The following ADGRB3 variants were observed in gnomAD, a reference collection of about 807,000 sequenced individuals.
ADGRB3 encodes the protein brain-specific angiogenesis inhibitor 3.
ADGRB3 carries 37 observed loss-of-function variants against 193.4 expected under a neutral mutation model. The ratio of observed to expected loss-of-function variants is 0.19; its 90% CI spans 0.15 to 0.25. The LOEUF (loss-of-function observed/expected upper bound fraction) is 0.25. Ranked by LOEUF, ADGRB3 falls within the 10% of genes least tolerant of loss-of-function variation. ADGRB3 has a pLI of 1.00. For missense variants in ADGRB3, 1,637 were observed against 1,852.9 expected (o/e 0.88, Z 2.14); for synonymous variants, 690 against 644.2 (o/e 1.07, Z -1.08).
intron 17 of ADGRB3, among the ~76,000 whole-genome samples, chr6:69,080,800 T>C (rs1270142283): frequency 1.3e-5 from 2 of 152,062 alleles, no homozygotes; most frequent in African/African-American, 4.8e-5. Context: ...ATGTTACCTT[T>C]GTAGCACAGG....
At chr6:69,330,646 C>T in intron 23 of ADGRB3, 74 bp downstream of exon 23, 1 of 1,258,672 alleles carries the variant, frequency 7.9e-7, no homozygotes, top group Admixed American at 2.3e-5. Flanking sequence ...ATTAGAGTGG[C>T]AATTTTGATA....
At position 69,281,307 on chromosome 6, in the gene ADGRB3, A is replaced by G. The variant is rs1429620835; in HGVS notation, c.2814+42081A>G. Among the ~76,000 whole-genome samples the G allele has an allele frequency of 7.7e-4, 117 of 152,198 alleles. 1 individual carries two copies. The highest frequency in any genetic ancestry group is 5.9e-5 in the Non-Finnish European group (4 of 68,026). ...CACATTTATTAGAAAATTTGAGCCT[A>G]TCTTCAGACACAAATACTGATTCAT... On this transcript the variant is annotated intron_variant, in intron 20 of 31. Coordinates refer to ENST00000370598, the MANE Select transcript of ADGRB3 (RefSeq NM_001704.3).
intron 17 of ADGRB3, among the ~76,000 whole-genome samples, chr6:69,141,080 A>G (rs1038912716): frequency 6.7e-6 from 1 of 148,852 alleles, no homozygotes; most frequent in African/African-American, 2.5e-5. Context: ...AGTGAAAGAA[A>G]GAAGACAGGA....
At chr6:68,922,764 C>T (rs1373949526) in intron 3 of ADGRB3, among the ~76,000 whole-genome samples, 1 of 152,106 alleles carries the variant, frequency 6.6e-6, no homozygotes, top group Non-Finnish European at 1.5e-5. Context: ...ATTTTTCCAC[C>T]CCTCCACGTT....
intron 17 of ADGRB3, among the ~76,000 whole-genome samples, chr6:69,146,682 T>C (rs998212625): frequency 6.6e-6 from 1 of 152,220 alleles, no homozygotes; most frequent in Non-Finnish European, 1.5e-5. Flanking sequence ...GCCAGCATCA[T>C]GGCAGTGGCC....
At chr6:68,859,541 C>T (rs1362990070) in intron 3 of ADGRB3, among the ~76,000 whole-genome samples, 1 of 152,164 alleles carries the variant, frequency 6.6e-6, no homozygotes, top group East Asian at 1.9e-4. Flanking sequence ...GCTTGAGAGG[C>T]CTCACAATTA....
chr6:68,661,000 A>G (rs1768617563), intron 3 of ADGRB3, among the ~76,000 whole-genome samples: 1 of 150,688 alleles, frequency 6.6e-6, no homozygotes. Context: ...ATTTATAAAT[A>G]TATAATTACT....
At chr6:68,860,324 G>A (rs768160639) in intron 3 of ADGRB3, among the ~76,000 whole-genome samples, 1 of 152,108 alleles carries the variant, frequency 6.6e-6, no homozygotes, top group East Asian at 1.9e-4. Context: ...GGCTTCTAGT[G>A]TACCCATCAC....
At chr6:69,105,470 TCAGTGTG>T (rs1041487028) in intron 17 of ADGRB3, among the ~76,000 whole-genome samples, 2 of 152,258 alleles carry the variant, frequency 1.3e-5, no homozygotes, top group African/African-American at 4.8e-5. Context: ...TCTCCTACTG[TCAGTGTG>T]AGTTCCTCAG....
chr6:68,653,133 A>G (rs1045411334), intron 3 of ADGRB3, among the ~76,000 whole-genome samples: 2 of 152,160 alleles, frequency 1.3e-5, no homozygotes, highest in African/African-American at 4.8e-5. Context: ...TGTTTCTAGC[A>G]TGGATACCTG....
In ADGRB3 at chr6:69,324,817, T is replaced by A. The variant is rs1028437297; in HGVS notation, c.2815-55T>A. 3.5e-5 allele frequency: 55 copies of A among 1,577,714 alleles called. No homozygotes were observed. The African/African-American group carries it at 6.7e-4, about 19-fold the overall frequency. On this transcript the variant is annotated intron_variant, in intron 20 of 31. Coordinates refer to ENST00000370598, the MANE Select transcript of ADGRB3 (RefSeq NM_001704.3). ...GATTAACAATCCCCTGAAGAACATA[T>A]CATTTTCCCTCTCCCAGGTTCAGTG... is the stretch of plus-strand genomic sequence containing the variant.
intron 26 of ADGRB3, among the ~76,000 whole-genome samples, 182 bp from the exon 27 acceptor site, chr6:69,354,051 G>A (rs1173201501): frequency 6.6e-6 from 1 of 152,080 alleles, no homozygotes; most frequent in Non-Finnish European, 1.5e-5. Flanking sequence ...CAACAAGAGT[G>A]AAATTCCATC....
chr6:69,311,760 T>G (rs1768199410), intron 20 of ADGRB3, among the ~76,000 whole-genome samples: 1 of 151,862 alleles, frequency 6.6e-6, no homozygotes, highest in Admixed American at 6.6e-5. Flanking sequence ...TCTCATGTGC[T>G]TTAGATTTCA....
At chr6:69,233,458 G>A in intron 18 of ADGRB3, 42 bp downstream of exon 18, 1 of 1,610,754 alleles carries the variant, frequency 6.2e-7, no homozygotes, top group East Asian at 2.2e-5. Flanking sequence ...GCAAAGACAG[G>A]GATATTGTGG....
intron 3 of ADGRB3, among the ~76,000 whole-genome samples, chr6:68,652,947 C>A (rs890984903): frequency 3.3e-5 from 5 of 152,034 alleles, no homozygotes; most frequent in African/African-American, 1.2e-4. Flanking sequence ...TGTTTTTCAC[C>A]AAATTGTTAC....
intron 3 of ADGRB3, among the ~76,000 whole-genome samples, chr6:68,771,795 G>C (rs1766623293): frequency 6.6e-6 from 1 of 152,086 alleles, no homozygotes; most frequent in African/African-American, 2.4e-5. Context: ...GGGGTTTTCT[G>C]ATCATCTTCT....
chr6:69,324,626 C>T (rs545569628), intron 20 of ADGRB3, among the ~76,000 whole-genome samples: 1 of 152,226 alleles, frequency 6.6e-6, no homozygotes, highest in African/African-American at 2.4e-5. Flanking sequence ...AATTTACATT[C>T]AGGGTTCTTC....
Position 69,326,749 on chromosome 6 carries a change from C to CA in ADGRB3, c.2966-1063dup, listed in dbSNP as rs983198030. Among the ~76,000 whole-genome samples, 47 of 147,626 alleles carry CA rather than the reference C, an allele frequency of 3.2e-4. 1 individual carries two copies. The highest frequency in any genetic ancestry group is 1.6e-3 in the East Asian group (8 of 5,080). Reference sequence around the variant, plus strand: ...TCCTAATGAACTTGGTCCAGTCAATCAAAAAAAATCAACAAATGACATGTG... The same window carrying CA: ...TCCTAATGAACTTGGTCCAGTCAATCAAAAAAAAATCAACAAATGACATGTG... On this transcript the variant is annotated intron_variant, in intron 21 of 31. Coordinates refer to ENST00000370598, the MANE Select transcript of ADGRB3 (RefSeq NM_001704.3).
intron 3 of ADGRB3, among the ~76,000 whole-genome samples, chr6:68,648,290 C>T (rs975346896): frequency 2.0e-5 from 3 of 152,076 alleles, no homozygotes; most frequent in Non-Finnish European, 2.9e-5. Flanking sequence ...TAACCAGTCC[C>T]TATCACACAA....
Sources: gnomAD v4.1 joint callset for allele counts (sites outside exome capture counted in the v4.1 genomes callset) on GRCh38, gnomAD v4.1.1 for gene constraint, MANE v1.5 for transcripts, NCBI Gene and HGNC (gene_info 2026-07-23, HGNC 2026-07-21) for gene names.